Variants in SPATS1 observed in about 807,000 individuals in gnomAD.
SPATS1 encodes spermatogenesis associated serine rich 1.
SPATS1 carries 23 observed loss-of-function variants against 33.6 expected under a neutral mutation model. The observed-to-expected ratio is 0.68, with a 90% confidence interval of 0.49 to 0.97. The LOEUF (loss-of-function observed/expected upper bound fraction) is 0.97. SPATS1 is among the 50% of genes least tolerant of loss of function. The probability of loss-of-function intolerance (pLI) is 0.00; values close to 1 mark genes in which losing one functional copy is unlikely to be tolerated. For synonymous variants in SPATS1, 131 were observed against 125.6 expected (o/e 1.04, Z -0.29); for missense variants, 327 against 361.0 (o/e 0.91, Z 0.76).
intron 2 of SPATS1, 53 bp downstream of exon 2, chr6:44,343,287 C>T (rs1054610808): frequency 1.9e-6 from 3 of 1,604,590 alleles, no homozygotes; most frequent in South Asian, 2.2e-5. Flanking sequence ...TCCAAGTATA[C>T]TACACCCGGG....
At chr6:44,354,993 A>AT (rs762860547) in intron 3 of SPATS1, among the ~76,000 whole-genome samples, 7 of 151,720 alleles carry the variant, frequency 4.6e-5, no homozygotes, top group Non-Finnish European at 8.8e-5. Flanking sequence ...TTGTAAATGT[A>AT]TTTTTTTTGT....
intron 5 of SPATS1, among the ~76,000 whole-genome samples, chr6:44,362,219 T>C (rs1788965821): frequency 6.6e-6 from 1 of 152,220 alleles, no homozygotes; most frequent in Non-Finnish European, 1.5e-5. Flanking sequence ...CTGAATTTCA[T>C]AAAATGCAAA....
At position 44,379,785 on chromosome 6, in the gene SPATS1, A is replaced by G. The variant is rs1790123894; in HGVS notation, c.*2722A>G. On this transcript the variant is annotated 3_prime_UTR_variant, in exon 9 of 9. Transcript: ENST00000674044. ...AATCCAGGCCGCAAAAACCATGAGT[A>G]AAAAAAAAAAACACAAAAAAACAAA... Among the ~76,000 whole-genome samples, 1 of 96,926 alleles carries G rather than the reference A, an allele frequency of 1.0e-5. No individual in the cohort carries two copies. The highest frequency in any genetic ancestry group is 2.2e-5 in the Non-Finnish European group (1 of 45,208). The allele number at this position is 96,926 out of a possible 152,430, so 63.6% of individuals were successfully genotyped here.
chr6:44,346,676 G>A (rs1561953712), intron 2 of SPATS1, among the ~76,000 whole-genome samples: 3 of 152,162 alleles, frequency 2.0e-5, no homozygotes, highest in South Asian at 2.1e-4. Flanking sequence ...AAGCCACCTT[G>A]TCCAGCCTGT....
chr6:44,346,194 G>C (rs1338646449), intron 2 of SPATS1, among the ~76,000 whole-genome samples: 2 of 151,652 alleles, frequency 1.3e-5, no homozygotes, highest in Non-Finnish European at 2.9e-5. Flanking sequence ...GGGAGGCTGG[G>C]GTGGGAGCAT....
intron 7 of SPATS1, among the ~76,000 whole-genome samples, chr6:44,372,085 C>G (rs1789657722): frequency 6.6e-6 from 1 of 151,316 alleles, no homozygotes; most frequent in Non-Finnish European, 1.5e-5. Flanking sequence ...GAGACCCTGT[C>G]TCTACTAAAA....
In SPATS1 at chr6:44,376,296, G is replaced by A. The variant is rs187808248; in HGVS notation, c.759-62G>A. ...TTTTGGAGCACATAATTTCTTATCC[G>A]CTGTTGGTGTTTGTAAATTTTGCAT... On this transcript the variant is annotated intron_variant, in intron 7 of 8. Coordinates refer to ENST00000674044, the MANE Select transcript of SPATS1 (RefSeq NM_001372081.1). The A allele has an allele frequency of 2.1e-4, 206 of 984,588 alleles. 3 individuals are homozygous for A. The highest frequency in any genetic ancestry group is 2.0e-3 in the African/African-American group (101 of 49,500). 61.0% of individuals were successfully genotyped at this position (984,588 alleles called of 1,614,324 possible).
chr6:44,372,774 T>C (rs570980924), intron 7 of SPATS1, among the ~76,000 whole-genome samples: 17 of 152,370 alleles, frequency 1.1e-4, no homozygotes, highest in Admixed American at 5.9e-4. Context: ...GGTCTTCTTT[T>C]AAAGAGTGCT....
chr6:44,349,548 T>C (rs1437949032), intron 2 of SPATS1, among the ~76,000 whole-genome samples: 2 of 152,182 alleles, frequency 1.3e-5, no homozygotes, highest in Non-Finnish European at 1.5e-5. Flanking sequence ...AATGCATCAA[T>C]AAGTATAAAA....
rs116106454 is a variant in SPATS1 at position 44,370,598 on chromosome 6, T to C, written c.758+485T>C. ...ACCTCACTTATTTACCTAAGCAGGT[T>C]TCTGACCTATAAAGAGATATTTTCT... On this transcript the variant is annotated intron_variant, in intron 7 of 8. Coordinates refer to ENST00000674044, the MANE Select transcript of SPATS1 (RefSeq NM_001372081.1). 1.8e-4 allele frequency among the ~76,000 whole-genome samples: 27 copies of C among 152,324 alleles called. 1 individual carries two copies. The highest frequency in any genetic ancestry group is 6.3e-4 in the African/African-American group (26 of 41,578).
At chr6:44,376,149 A>G (rs1010330284) in intron 7 of SPATS1, among the ~76,000 whole-genome samples, 8 of 152,110 alleles carry the variant, frequency 5.3e-5, no homozygotes, top group African/African-American at 1.9e-4. Flanking sequence ...AGGTGATACT[A>G]GCTGCAAGGT....
intron 2 of SPATS1, among the ~76,000 whole-genome samples, chr6:44,351,021 G>A (rs1017884986): frequency 6.6e-6 from 1 of 150,772 alleles, no homozygotes; most frequent in Non-Finnish European, 1.5e-5. Context: ...CTACTCATGA[G>A]GCTGAGGCAG....
At chr6:44,353,091 G>A (rs1324847917) in intron 3 of SPATS1, among the ~76,000 whole-genome samples, 1 of 152,214 alleles carries the variant, frequency 6.6e-6, no homozygotes, top group African/African-American at 2.4e-5. Flanking sequence ...AAATGCTGAT[G>A]ATAGCTTATA....
chr6:44,350,568 G>A (rs971736685), intron 2 of SPATS1, among the ~76,000 whole-genome samples: 2 of 152,214 alleles, frequency 1.3e-5, no homozygotes, highest in African/African-American at 2.4e-5. Context: ...GGAGGGAGTA[G>A]CTCAGCTGAA....
intron 7 of SPATS1, among the ~76,000 whole-genome samples, chr6:44,372,105 T>C (rs1789658543): frequency 6.6e-6 from 1 of 151,202 alleles, no homozygotes; most frequent in Non-Finnish European, 1.5e-5. Flanking sequence ...AGCACAAAAA[T>C]TATCTGGGTG....
At chr6:44,347,044 A>G (rs553405335) in intron 2 of SPATS1, among the ~76,000 whole-genome samples, 10 of 152,386 alleles carry the variant, frequency 6.6e-5, no homozygotes, top group African/African-American at 2.2e-4. Flanking sequence ...CTATGCAGCC[A>G]TAAAAAAGGA....
At position 44,343,158 on chromosome 6, in the gene SPATS1, C is replaced by T. The variant is rs771888446; in HGVS notation, c.63C>T (p.Ser21=). 1.2e-6 allele frequency: 2 copies of T among 1,614,140 alleles called. No homozygotes were observed. Among genetic ancestry groups the T allele is most frequent in the South Asian group, 2.2e-5 (2 of 91,086 alleles). ...GCTGCCGTCTCCCCTCCATCTCAAG[C>T]ACGACCTGCGGCAGACAGCTGGAGA... is the stretch of plus-strand genomic sequence containing the variant. ...PRGCRLPSIS[S]TTCGRQLEKV... The change falls in exon 2 of 9, where the codon AGC becomes AGT. Residue 21 remains serine, a synonymous_variant. Coordinates refer to ENST00000674044, the MANE Select transcript of SPATS1 (RefSeq NM_001372081.1).
chr6:44,357,233 T>G (rs1411901), intron 3 of SPATS1, among the ~76,000 whole-genome samples: 4,798 of 152,212 alleles, frequency 0.032, 225 homozygotes, highest in African/African-American at 0.11. Context: ...TTGCCTCCTT[T>G]GCTTGAAGTG....
Position 44,379,719 on chromosome 6 carries a change from G to A in SPATS1, c.*2656G>A, listed in dbSNP as rs16871831. 0.043 allele frequency among the ~76,000 whole-genome samples: 6,521 copies of A among 150,804 alleles called. 440 individuals are homozygous for A. The highest frequency in any genetic ancestry group is 0.25 in the East Asian group (1,301 of 5,144). On this transcript the variant is annotated 3_prime_UTR_variant, in exon 9 of 9. Transcript: ENST00000674044. ...TCAAAGAGGTCTATATAATTCCTAG[G>A]TGCTGCTCTAAGTAGATATGATTTG...
Sources: gnomAD v4.1 joint callset for allele counts (sites outside exome capture counted in the v4.1 genomes callset) on GRCh38, gnomAD v4.1.1 for gene constraint, MANE v1.5 for transcripts, NCBI Gene and HGNC (gene_info 2026-07-23, HGNC 2026-07-21) for gene names.